XYLB: variants seen among roughly 807,000 people sequenced by gnomAD.
XYLB encodes xylulose kinase.
XYLB carries 62 observed loss-of-function variants against 78.7 expected under a neutral mutation model. The observed-to-expected ratio is 0.79, with a 90% CI of 0.64 to 0.97. The LOEUF (loss-of-function observed/expected upper bound fraction) is 0.97. XYLB is among the 50% of genes least tolerant of loss of function. XYLB has a pLI of 0.00. For missense variants in XYLB, 687 were observed against 676.8 expected, an observed-to-expected ratio of 1.02 and a Z score of -0.17; for synonymous variants, 245 against 247.4, an observed-to-expected ratio of 0.99 and a Z score of 0.09.
chr3:38,418,654 A>G (rs1020400919), downstream of XYLB, among the ~76,000 whole-genome samples: 1 of 152,250 alleles, frequency 6.6e-6, no homozygotes, highest in Non-Finnish European at 1.5e-5. Context: ...GGTAAATTCC[A>G]TAAACAAAGG....
chr3:38,428,786 T>A, the XYLB span, among the ~76,000 whole-genome samples: 1 of 152,248 alleles, frequency 6.6e-6, no homozygotes, highest in South Asian at 2.1e-4. Flanking sequence ...ATCCCACATC[T>A]TACTATTTGT....
chr3:38,408,797 A>G (rs1158654732), intron 18 of XYLB, among the ~76,000 whole-genome samples: 71 of 146,702 alleles, frequency 4.8e-4, no homozygotes, highest in South Asian at 9.0e-4. Flanking sequence ...AGAAATGGAT[A>G]AATTCCTCGA....
intron 17 of XYLB, among the ~76,000 whole-genome samples, chr3:38,399,408 A>T (rs1708030825): frequency 6.6e-6 from 1 of 152,118 alleles, no homozygotes; most frequent in Non-Finnish European, 1.5e-5. Context: ...TACCGCACCC[A>T]GGCTGTATGG....
At chr3:38,362,851 G>A (rs1474145823) in intron 3 of XYLB, 86 bp from the exon 4 acceptor site, 28 of 1,167,574 alleles carry the variant, frequency 2.4e-5, no homozygotes, top group Non-Finnish European at 3.0e-5. Flanking sequence ...TGCTGTAATG[G>A]CAGGCACTTG....
At chr3:38,407,934 G>A (rs1186574009) in intron 18 of XYLB, among the ~76,000 whole-genome samples, 1 of 151,808 alleles carries the variant, frequency 6.6e-6, no homozygotes, top group Non-Finnish European at 1.5e-5. Flanking sequence ...CAATAATAAT[G>A]GGAGACTTTA....
chr3:38,363,560 A>G (rs1425701748), intron 4 of XYLB, among the ~76,000 whole-genome samples: 1 of 152,178 alleles, frequency 6.6e-6, no homozygotes, highest in Admixed American at 6.5e-5. Context: ...CACTCAGGGC[A>G]TACTGTCTGG....
At chr3:38,348,653 TG>T (rs1438450952) in intron 2 of XYLB, 21 bp downstream of exon 2, 1 of 1,611,350 alleles carries the variant, frequency 6.2e-7, no homozygotes, top group Non-Finnish European at 8.5e-7. Flanking sequence ...GATGTGCATG[TG>T]TGTGTGATGG....
intron 15 of XYLB, among the ~76,000 whole-genome samples, chr3:38,394,717 C>T (rs1418075095): frequency 2.0e-5 from 3 of 152,164 alleles, no homozygotes; most frequent in Non-Finnish European, 4.4e-5. Flanking sequence ...TTGGTTTCAG[C>T]ATGGTTGGGT....
chr3:38,443,027 G>A, the XYLB span, among the ~76,000 whole-genome samples: 30 of 152,162 alleles, frequency 2.0e-4, no homozygotes, highest in Non-Finnish European at 2.8e-4. Context: ...AAGGATATGG[G>A]ACTTTCAGGC....
chr3:38,425,987 C>T (rs181445197), downstream of XYLB, among the ~76,000 whole-genome samples: 3 of 152,202 alleles, frequency 2.0e-5, no homozygotes, highest in African/African-American at 7.2e-5. Context: ...GTAAAGCTTT[C>T]TGGTCCTTGG....
chr3:38,407,521 T>G (rs1408925775), intron 18 of XYLB, among the ~76,000 whole-genome samples: 11 of 151,526 alleles, frequency 7.3e-5, no homozygotes, highest in African/African-American at 2.7e-4. Context: ...AGGATCAAAT[T>G]CACACATAAC....
Position 38,346,843 on chromosome 3 carries a change from G to T in XYLB, c.-26G>T. 1.3e-6 allele frequency: 2 copies of T among 1,496,642 alleles called. No homozygotes were observed. The highest frequency in any genetic ancestry group is 1.8e-6 in the Non-Finnish European group (2 of 1,123,920). 92.7% of individuals were successfully genotyped at this position (1,496,642 alleles called of 1,614,324 possible). ...CCGCGTGGCGGACGGACGGACTGAC[G>T]GACGCGCAGCCTTACCCGAAAGGCC... On this transcript the variant is annotated 5_prime_UTR_variant, in exon 1 of 19. Transcript: ENST00000207870.
chr3:38,426,682 G>C, the XYLB span, among the ~76,000 whole-genome samples: 1 of 152,192 alleles, frequency 6.6e-6, no homozygotes, highest in Non-Finnish European at 1.5e-5. Flanking sequence ...TGTGGATCGC[G>C]AATCCTGCGA....
At position 38,376,163 on chromosome 3, in the gene XYLB, G is replaced by A. The variant is rs763540473; in HGVS notation, c.1051G>A (p.Val351Ile). The change falls in exon 13 of 19, where the codon GTA (valine) becomes ATA (isoleucine). Residue 351 changes from valine (V) to isoleucine (I), a missense_variant. By Grantham distance (29) the Val-to-Ile change is conservative (BLOSUM62 3). Coordinates refer to ENST00000207870, the MANE Select transcript of XYLB (RefSeq NM_005108.4). ...LMREKIRNES[V>I]SRSWSDFSKA... is the part of the protein sequence containing the mutation. ...GAGAGAGAAGATCCGCAACGAGTCT[G>A]TATCCCGTTCCTGGAGCGATTTCTC... 7 of 1,614,146 alleles carry A rather than the reference G, an allele frequency of 4.3e-6. No homozygotes were observed. Among genetic ancestry groups the A allele is most frequent in the Non-Finnish European group, 5.9e-6 (7 of 1,180,010 alleles).
intron 2 of XYLB, among the ~76,000 whole-genome samples, chr3:38,357,629 G>A (rs975573860): frequency 5.9e-5 from 9 of 152,040 alleles, no homozygotes; most frequent in South Asian, 2.1e-4. Context: ...CTTGTGATCC[G>A]CCCGCCTCGG....
intron 1 of XYLB, among the ~76,000 whole-genome samples, chr3:38,348,137 C>T (rs573843238): frequency 8.5e-5 from 13 of 152,342 alleles, no homozygotes; most frequent in Non-Finnish European, 5.9e-5. Flanking sequence ...CATGGCCTTG[C>T]CTGGTCTCAG....
chr3:38,388,419 T>C (rs1012512330), intron 15 of XYLB, among the ~76,000 whole-genome samples: 56 of 152,196 alleles, frequency 3.7e-4, no homozygotes, highest in Non-Finnish European at 6.9e-4. Flanking sequence ...AAGTAATGCA[T>C]AAGTTAATTA....
chr3:38,418,402 G>A (rs1033020961), downstream of XYLB, among the ~76,000 whole-genome samples: 3 of 151,970 alleles, frequency 2.0e-5, no homozygotes, highest in Non-Finnish European at 2.9e-5. Flanking sequence ...TCCTAAAGGG[G>A]GAAATTGGGC....
At chr3:38,420,946 C>G (rs530144926), downstream of XYLB, among the ~76,000 whole-genome samples, 1 of 152,200 alleles carries the variant, frequency 6.6e-6, no homozygotes, top group East Asian at 1.9e-4. Flanking sequence ...AAACCACAAA[C>G]GATAGCAGGA....
Sources: gnomAD v4.1 joint callset for allele counts (sites outside exome capture counted in the v4.1 genomes callset) on GRCh38, gnomAD v4.1.1 for gene constraint, MANE v1.5 for transcripts, NCBI Gene and HGNC (gene_info 2026-07-23, HGNC 2026-07-21) for gene names.